DCP2: variants seen among roughly 807,000 people sequenced by gnomAD.
DCP2 encodes m7GpppN-mRNA hydrolase.
Under a neutral mutation model 56.1 loss-of-function variants are expected in DCP2, and 30 were observed. That is an observed-to-expected ratio of 0.53 (90% CI 0.40 to 0.73). DCP2 has a LOEUF of 0.73. DCP2 is among the 30% of genes least tolerant of loss of function. DCP2 has a pLI of 0.00. For synonymous variants in DCP2, 197 were observed against 163.3 expected (o/e 1.21, Z -1.57); for missense variants, 533 against 502.7 (o/e 1.06, Z -0.58).
At chr5:113,005,462 TA>T (rs1749380978) in intron 8 of DCP2, among the ~76,000 whole-genome samples, 1 of 152,168 alleles carries the variant, frequency 6.6e-6, no homozygotes, top group South Asian at 2.1e-4. Flanking sequence ...TATCACTTCT[TA>T]CCCATTAGGA....
chr5:112,981,069 C>A (rs536111491), intron 1 of DCP2, among the ~76,000 whole-genome samples: 1 of 152,044 alleles, frequency 6.6e-6, no homozygotes, highest in Non-Finnish European at 1.5e-5. Flanking sequence ...ATTGCCCAGG[C>A]ATGATCATAG....
At chr5:112,994,749 G>T (rs1336398389) in intron 4 of DCP2, among the ~76,000 whole-genome samples, 1 of 152,094 alleles carries the variant, frequency 6.6e-6, no homozygotes, top group Non-Finnish European at 1.5e-5. Flanking sequence ...TTTTGTTCTA[G>T]CATACATTTT....
intron 7 of DCP2, 100 bp from the exon 8 acceptor site, chr5:113,003,842 A>G (rs1749292862): frequency 7.4e-7 from 1 of 1,349,336 alleles, no homozygotes. Context: ...GATAGACAGT[A>G]AATAAGAAAA....
intron 4 of DCP2, among the ~76,000 whole-genome samples, chr5:112,994,163 C>CTTTTTTTTTTTTTTTTTT (rs771514208): frequency 1.3e-5 from 1 of 75,180 alleles, no homozygotes; most frequent in African/African-American, 5.2e-5. Context: ...TTTTTTCTTT[C>CTTTTTTTTTTTTTTTTTT]TTTTTTTTTT....
intron 9 of DCP2, among the ~76,000 whole-genome samples, 184 bp from the exon 10 acceptor site, chr5:113,010,572 T>G (rs1176728887): frequency 2.0e-5 from 3 of 152,132 alleles, no homozygotes; most frequent in Non-Finnish European, 4.4e-5. Flanking sequence ...AAAAAAAATT[T>G]TAGGTGTGAA....
intron 1 of DCP2, among the ~76,000 whole-genome samples, chr5:112,979,384 T>A (rs1403790392): frequency 6.6e-6 from 1 of 152,206 alleles, no homozygotes; most frequent in African/African-American, 2.4e-5. Flanking sequence ...CTTTTCATTG[T>A]AGACTAAAAC....
In DCP2 at chr5:113,015,553, T is replaced by TA. The variant is rs1296048106; in HGVS notation, c.*2070dup. 6.6e-6 allele frequency: 1 copy of TA among 152,620 alleles called. No individual in the cohort carries two copies. The allele number at this position is 152,620 out of a possible 1,614,324, so 9.5% of individuals were successfully genotyped here. On this transcript the variant is annotated 3_prime_UTR_variant, in exon 11 of 11. Transcript: ENST00000389063. ...CAGTAGTTTAACTATGGTTAAATGT[T>TA]ACTGCTGTTGCGCTGCTTTATTTAA...
At chr5:112,985,256 A>G (rs530557907) in intron 1 of DCP2, among the ~76,000 whole-genome samples, 2 of 152,160 alleles carry the variant, frequency 1.3e-5, no homozygotes, top group African/African-American at 4.8e-5. Context: ...ATAAATGTAT[A>G]TTTATATGTA....
intron 4 of DCP2, among the ~76,000 whole-genome samples, chr5:112,995,882 G>A (rs1455872674): frequency 6.6e-5 from 10 of 152,186 alleles, no homozygotes; most frequent in Admixed American, 5.2e-4. Flanking sequence ...GGTTCTAGAC[G>A]CTGGGAAGTC....
intron 9 of DCP2, among the ~76,000 whole-genome samples, chr5:113,009,720 T>C (rs893840761): frequency 6.6e-6 from 1 of 152,182 alleles, no homozygotes; most frequent in African/African-American, 2.4e-5. Context: ...AATGACAATG[T>C]ACATTTATTG....
intron 1 of DCP2, 99 bp downstream of exon 1, chr5:112,977,085 C>A: frequency 1.1e-6 from 1 of 887,428 alleles, no homozygotes; most frequent in Non-Finnish European, 1.6e-6. Flanking sequence ...ACGTCCATGT[C>A]CTCGCTTTCC....
Position 112,986,002 on chromosome 5 carries a change from C to G in DCP2, c.205+16C>G. On this transcript the variant is annotated intron_variant, in intron 2 of 10. Coordinates refer to ENST00000389063, the MANE Select transcript of DCP2 (RefSeq NM_152624.6). ...GCTAAAGCTGATATCCTTTTTATTA[C>G]TATAATGACTGACTTTCTTGTTAGC... 2 of 1,503,356 alleles carry G rather than the reference C, an allele frequency of 1.3e-6. No individual in the cohort carries two copies. The highest frequency in any genetic ancestry group is 1.8e-6 in the Non-Finnish European group (2 of 1,105,806). The allele number at this position is 1,503,356 out of a possible 1,614,324, so 93.1% of individuals were successfully genotyped here.
At position 112,986,003 on chromosome 5, in the gene DCP2, T is replaced by C. The variant is rs1561686425; in HGVS notation, c.205+17T>C. ...CTAAAGCTGATATCCTTTTTATTAC[T>C]ATAATGACTGACTTTCTTGTTAGCA... On this transcript the variant is annotated intron_variant, in intron 2 of 10. Transcript: ENST00000389063. 6.6e-7 allele frequency: 1 copy of C among 1,505,224 alleles called. No homozygotes were observed. Among genetic ancestry groups the C allele is most frequent in the South Asian group, 1.4e-5 (1 of 73,960 alleles). The allele number at this position is 1,505,224 out of a possible 1,614,324, so 93.2% of individuals were successfully genotyped here. A position where few individuals can be genotyped will look rare whatever the true frequency, so the allele number is the denominator to read the frequency against.
chr5:113,005,576 C>T (rs757246655), intron 8 of DCP2, among the ~76,000 whole-genome samples: 14 of 152,146 alleles, frequency 9.2e-5, no homozygotes, highest in East Asian at 1.9e-4. Context: ...ATGGTGCAAC[C>T]GCTGTGGAAA....
At chr5:112,993,366 G>A (rs4705529) in intron 4 of DCP2, among the ~76,000 whole-genome samples, 67,372 of 151,740 alleles carry the variant, frequency 0.44, 16,376 homozygotes, top group East Asian at 0.62. Flanking sequence ...CAGGCACGGT[G>A]GCTCACGCCT....
intron 8 of DCP2, among the ~76,000 whole-genome samples, chr5:113,005,245 TAGA>T (rs1305400286): frequency 3.3e-5 from 5 of 151,844 alleles, no homozygotes; most frequent in Non-Finnish European, 7.4e-5. Context: ...GCCCACAAAA[TAGA>T]AGATATTTGC....
At chr5:112,978,750 T>A (rs1747851957) in intron 1 of DCP2, among the ~76,000 whole-genome samples, 1 of 152,092 alleles carries the variant, frequency 6.6e-6, no homozygotes, top group Admixed American at 6.6e-5. Flanking sequence ...TAGACGCACA[T>A]CAACCAATAG....
chr5:113,011,425 A>T (rs1333291361), intron 10 of DCP2, among the ~76,000 whole-genome samples: 1 of 152,186 alleles, frequency 6.6e-6, no homozygotes, highest in African/African-American at 2.4e-5. Context: ...TTTGTTAAAT[A>T]CTGATTTAGT....
chr5:112,983,892 C>G (rs991358682), intron 1 of DCP2: 4 of 152,148 alleles, frequency 2.6e-5, no homozygotes, highest in Admixed American at 6.5e-5. Context: ...CCCAAATTAT[C>G]AAGTATGAGG....
Sources: gnomAD v4.1 joint callset for allele counts (sites outside exome capture counted in the v4.1 genomes callset) on GRCh38, gnomAD v4.1.1 for gene constraint, MANE v1.5 for transcripts, NCBI Gene and HGNC (gene_info 2026-07-23, HGNC 2026-07-21) for gene names.